Variants in OR7E24 observed in about 807,000 individuals in gnomAD.
OR7E24 encodes the protein olfactory receptor family 7 subfamily E member 24, also known as olfactory receptor 7E24.
For missense variants in OR7E24, 385 were observed against 410.3 expected, an observed-to-expected ratio of 0.94 and a Z score of 0.53; for synonymous variants, 130 against 157.5, an observed-to-expected ratio of 0.83 and a Z score of 1.31.
At chr19:9,247,271 G>A (rs890413162), upstream of OR7E24, 1 of 387,316 alleles carries the variant, frequency 2.6e-6, no homozygotes, top group African/African-American at 2.1e-5. Context: ...TGGCTAATGA[G>A]GAGCTCTGTG....
the OR7E24 span, chr19:9,214,730 C>T: frequency 6.2e-7 from 1 of 1,613,998 alleles, no homozygotes; most frequent in Non-Finnish European, 8.5e-7. Context: ...GCACCGTGAC[C>T]AGGTACATGG....
the OR7E24 span, among the ~76,000 whole-genome samples, chr19:9,217,703 T>G: frequency 2.0e-5 from 3 of 152,142 alleles, no homozygotes; most frequent in Non-Finnish European, 4.4e-5. Context: ...TACGCTCAGC[T>G]AATTTTTTTA....
upstream of OR7E24, among the ~76,000 whole-genome samples, chr19:9,250,630 G>A (rs1430025953): frequency 4.6e-5 from 7 of 152,166 alleles, no homozygotes; most frequent in South Asian, 8.3e-4. Context: ...ATCTCATTGA[G>A]TGTTGATAAA....
the OR7E24 span, among the ~76,000 whole-genome samples, chr19:9,232,100 A>G: frequency 6.6e-6 from 1 of 152,138 alleles, no homozygotes; most frequent in Non-Finnish European, 1.5e-5. Context: ...GCCTGAAAAA[A>G]TCAAGCTGCA....
chr19:9,248,631 A>T (rs763050118), upstream of OR7E24, among the ~76,000 whole-genome samples: 4 of 152,186 alleles, frequency 2.6e-5, no homozygotes, highest in Non-Finnish European at 4.4e-5. Flanking sequence ...CTGAGATCAC[A>T]TCAAAGATCC....
chr19:9,233,985 C>T, the OR7E24 span, among the ~76,000 whole-genome samples: 1 of 151,150 alleles, frequency 6.6e-6, no homozygotes, highest in Non-Finnish European at 1.5e-5. Context: ...CTCCCTGCAA[C>T]CTCCGCCTCC....
At chr19:9,213,907 A>G in the OR7E24 span, 1 of 1,613,240 alleles carries the variant, frequency 6.2e-7, no homozygotes, top group Non-Finnish European at 8.5e-7. Context: ...TGTCATGGAC[A>G]AGAGTCGGCC....
chr19:9,238,979 CA>C, the OR7E24 span, among the ~76,000 whole-genome samples: 3 of 152,104 alleles, frequency 2.0e-5, no homozygotes, highest in African/African-American at 7.2e-5. Context: ...GCCATGAAAA[CA>C]GAAATGCAGA....
At chr19:9,217,475 G>T in the OR7E24 span, among the ~76,000 whole-genome samples, 1 of 152,164 alleles carries the variant, frequency 6.6e-6, no homozygotes, top group Non-Finnish European at 1.5e-5. Context: ...CTGGAAAGTG[G>T]ATAGAAGAGG....
At chr19:9,242,226 T>C in the OR7E24 span, among the ~76,000 whole-genome samples, 1 of 152,286 alleles carries the variant, frequency 6.6e-6, no homozygotes. Context: ...TATTTAATCC[T>C]GAAAACATTT....
At chr19:9,219,945 C>A in the OR7E24 span, among the ~76,000 whole-genome samples, 1 of 152,122 alleles carries the variant, frequency 6.6e-6, no homozygotes, top group East Asian at 1.9e-4. Flanking sequence ...CATCTCCAAG[C>A]GATGTGACTC....
the OR7E24 span, chr19:9,207,139 TA>T: frequency 6.6e-6 from 1 of 152,220 alleles, no homozygotes; most frequent in Non-Finnish European, 1.5e-5. Context: ...GAATTTTTAG[TA>T]AGCACTTGGA....
chr19:9,238,784 C>T, the OR7E24 span, among the ~76,000 whole-genome samples: 30,870 of 152,068 alleles, frequency 0.2, 5,197 homozygotes, highest in African/African-American at 0.46. Flanking sequence ...TTTGTCAAGC[C>T]GTGCGTGGTT....
chr19:9,251,232 C>T lies in OR7E24; in HGVS notation c.189C>T (p.Ile63=). ...TCACGGTGCTGGGGAACCTGCTCAT[C>T]ATCCTGGCTGTCAGCTCTGACTCCC... ...YLVTVLGNLL[I]ILAVSSDSHL... is the part of the protein sequence containing the mutation. Residue 63 remains isoleucine, a synonymous_variant, in exon 1 of 1, where the codon ATC becomes ATT. Coordinates refer to ENST00000456448, the MANE Select transcript of OR7E24 (RefSeq NM_001079935.2). The T allele has an allele frequency of 6.2e-7, 1 of 1,613,970 alleles. No homozygotes were observed. Among genetic ancestry groups the T allele is most frequent in the South Asian group, 1.1e-5 (1 of 91,078 alleles).
In OR7E24 at chr19:9,251,211, G is replaced by A. The variant is rs767194817; in HGVS notation, c.168G>A (p.Thr56=). 9.3e-6 allele frequency: 15 copies of A among 1,613,942 alleles called. No individual in the cohort carries two copies. The highest frequency in any genetic ancestry group is 1.3e-5 in the African/African-American group (1 of 74,964). Residue 56 remains threonine (T), a synonymous_variant, in exon 1 of 1, where the codon ACG becomes ACA. Transcript: ENST00000456448. Reference sequence around the variant, plus strand: ...TGTTCCTGTCCATGTACCTGGTCACGGTGCTGGGGAACCTGCTCATCATCC... The same window carrying A: ...TGTTCCTGTCCATGTACCTGGTCACAGTGCTGGGGAACCTGCTCATCATCC... The part of the protein sequence containing the change: ...AGLFLSMYLV[T]VLGNLLIILA...
Position 9,251,648 on chromosome 19 carries a change from T to G in OR7E24, c.605T>G (p.Leu202Arg). 6.2e-7 allele frequency: 1 copy of G among 1,613,538 alleles called. No individual in the cohort carries two copies. Among genetic ancestry groups the G allele is most frequent in the Non-Finnish European group, 8.5e-7 (1 of 1,179,776 alleles). Residue 202 changes from leucine (L) to arginine (R), a missense_variant, in exon 1 of 1, where the codon CTC (leucine) becomes CGC (arginine). By Grantham distance (102) the Leu-to-Arg change is moderately radical. Transcript: ENST00000456448. ...AATTTCTTCTGTGACCCTTCTCAAC[T>G]CCTCCACCTTAGGTGTTCCGACACC... ...ISNFFCDPSQ[L>R]LHLRCSDTFI...
At chr19:9,216,258 A>G in the OR7E24 span, among the ~76,000 whole-genome samples, 1 of 152,124 alleles carries the variant, frequency 6.6e-6, no homozygotes, top group Non-Finnish European at 1.5e-5. Context: ...ATCTTGATTT[A>G]TCATTTTCTG....
the OR7E24 span, among the ~76,000 whole-genome samples, chr19:9,240,638 A>C: frequency 2.0e-5 from 3 of 152,170 alleles, no homozygotes; most frequent in African/African-American, 7.2e-5. Flanking sequence ...ACATTTTGAT[A>C]GAGAAAAGTT....
the OR7E24 span, among the ~76,000 whole-genome samples, chr19:9,224,681 C>T: frequency 6.6e-6 from 1 of 151,948 alleles, no homozygotes; most frequent in African/African-American, 2.4e-5. Context: ...AGGAGAATCA[C>T]TTGAACTGGG....
Sources: allele counts gnomAD v4.1 joint callset (sites outside exome capture counted in the v4.1 genomes callset), GRCh38; gene constraint gnomAD v4.1.1; transcripts MANE v1.5; gene names NCBI Gene and HGNC (gene_info 2026-07-23, HGNC 2026-07-21).